MAGI2: variants seen among roughly 807,000 people sequenced by gnomAD.
MAGI2 encodes membrane associated guanylate kinase, WW and PDZ domain containing 2.
In MAGI2, 35 loss-of-function variants were observed where a neutral mutation model predicts 133.3. The observed-to-expected ratio is 0.26, with a 90% CI of 0.20 to 0.35. MAGI2 has a LOEUF of 0.35. Among genes scored for constraint, MAGI2 ranks in the 10% least tolerant of loss-of-function variants. The probability of loss-of-function intolerance (pLI) is 1.00; values close to 1 mark genes in which losing one functional copy is unlikely to be tolerated. For synonymous variants in MAGI2, 729 were observed against 710.6 expected (o/e 1.03, Z -0.41); for missense variants, 1,636 against 1,863.4 (o/e 0.88, Z 2.25).
At chr7:78,434,511 C>T (rs1471602546) in intron 6 of MAGI2, among the ~76,000 whole-genome samples, 1 of 152,084 alleles carries the variant, frequency 6.6e-6, no homozygotes, top group Non-Finnish European at 1.5e-5. Flanking sequence ...CACTTCAATT[C>T]CTCCCTCTTC....
intron 9 of MAGI2, among the ~76,000 whole-genome samples, chr7:78,324,602 ATGAG>A (rs1344017445): frequency 2.6e-5 from 4 of 152,212 alleles, no homozygotes; most frequent in Non-Finnish European, 5.9e-5. Flanking sequence ...CTCTCAGTGA[ATGAG>A]TGTTATTATT....
intron 2 of MAGI2, among the ~76,000 whole-genome samples, chr7:78,840,454 G>C (rs1480484477): frequency 6.6e-6 from 1 of 151,964 alleles, no homozygotes; most frequent in African/African-American, 2.4e-5. Flanking sequence ...AAAGTCTGTG[G>C]TGCGCCTGTG....
At chr7:78,665,081 T>C (rs908540983) in intron 2 of MAGI2, among the ~76,000 whole-genome samples, 7 of 152,102 alleles carry the variant, frequency 4.6e-5, no homozygotes, top group African/African-American at 1.7e-4. Context: ...TACATATTAG[T>C]GTAATTTAAA....
chr7:78,179,559 T>C (rs568453494), intron 13 of MAGI2, among the ~76,000 whole-genome samples: 24 of 152,322 alleles, frequency 1.6e-4, no homozygotes, highest in African/African-American at 5.1e-4. Flanking sequence ...TAAATAAAGA[T>C]GAATCAGGCG....
chr7:78,831,885 C>T (rs1035333186), intron 2 of MAGI2, among the ~76,000 whole-genome samples: 5 of 152,034 alleles, frequency 3.3e-5, no homozygotes, highest in Admixed American at 1.3e-4. Flanking sequence ...TTATAATTTT[C>T]ATGTGAAATT....
In MAGI2 at chr7:78,325,626, T is replaced by C. The variant is rs543898170; in HGVS notation, c.1408+18152A>G. 2.0e-5 allele frequency among the ~76,000 whole-genome samples: 3 copies of C among 152,306 alleles called. No homozygotes were observed. In the South Asian group the frequency reaches 6.2e-4, roughly 32 times the overall value. Reference sequence around the variant, plus strand: ...TTTTTCTTCTCATGGTTGTTAGAGCTGACATTTCCAATAGGTAGATGACCA... The same window carrying C: ...TTTTTCTTCTCATGGTTGTTAGAGCCGACATTTCCAATAGGTAGATGACCA... On this transcript the variant is annotated intron_variant, in intron 9 of 21. Coordinates refer to ENST00000354212, the MANE Select transcript of MAGI2 (RefSeq NM_012301.4).
chr7:78,291,508 G>C (rs1484688622), intron 9 of MAGI2, among the ~76,000 whole-genome samples: 1 of 152,140 alleles, frequency 6.6e-6, no homozygotes, highest in Non-Finnish European at 1.5e-5. Flanking sequence ...GAGGTACAAG[G>C]AGGAGCTGGT....
intron 6 of MAGI2, among the ~76,000 whole-genome samples, chr7:78,373,700 G>A (rs1389878603): frequency 6.6e-6 from 1 of 152,042 alleles, no homozygotes; most frequent in African/African-American, 2.4e-5. Flanking sequence ...CATCACCCAG[G>A]TACTGAGCAT....
chr7:79,119,586 G>T (rs1819708305), intron 1 of MAGI2, among the ~76,000 whole-genome samples: 1 of 152,092 alleles, frequency 6.6e-6, no homozygotes, highest in Non-Finnish European at 1.5e-5. Flanking sequence ...AACGTTTTCA[G>T]TAAATGAAAT....
In MAGI2 at chr7:79,066,257, C is replaced by A. The variant is rs531762109; in HGVS notation, c.302-59051G>T. Among the ~76,000 whole-genome samples, 18 of 151,812 alleles carry A rather than the reference C, an allele frequency of 1.2e-4. No homozygotes were observed. The South Asian group carries it at 3.7e-3, about 32-fold the overall frequency. On this transcript the variant is annotated intron_variant, in intron 1 of 21. Coordinates refer to ENST00000354212, the MANE Select transcript of MAGI2 (RefSeq NM_012301.4). ...GACTTTATAATGGTTGCCATTCTAACCAGTGTGAGATGATATCTCAGTGTG... is the reference window on the plus strand; with the variant it reads ...GACTTTATAATGGTTGCCATTCTAAACAGTGTGAGATGATATCTCAGTGTG...
intron 2 of MAGI2, among the ~76,000 whole-genome samples, chr7:78,922,299 G>C (rs765452431): frequency 6.6e-6 from 1 of 151,208 alleles, no homozygotes. Context: ...CCATTAAGTC[G>C]TCATTTAGCA....
chr7:78,822,839 G>A (rs1339738608), intron 2 of MAGI2, among the ~76,000 whole-genome samples: 1 of 152,136 alleles, frequency 6.6e-6, no homozygotes, highest in Non-Finnish European at 1.5e-5. Context: ...TAAGTTATGA[G>A]TATACAATGC....
rs181109560 is a variant in MAGI2 at position 79,184,228 on chromosome 7, T to C, written c.302-177022A>G. Among the ~76,000 whole-genome samples, 105 of 151,754 alleles carry C rather than the reference T, an allele frequency of 6.9e-4. 1 individual carries two copies. Among genetic ancestry groups the C allele is most frequent in the Admixed American group, 6.4e-3 (97 of 15,206 alleles). On this transcript the variant is annotated intron_variant, in intron 1 of 21. Coordinates refer to ENST00000354212, the MANE Select transcript of MAGI2 (RefSeq NM_012301.4). ...AATTATTCTATAATGTACACATATA[T>C]TAAAACATCACATTGTATCCCCAAA...
rs72611098 is a variant in MAGI2, at chr7:78,646,424, G to A, written c.419-19185C>T. Among the ~76,000 whole-genome samples, 154 of 152,256 alleles carry A rather than the reference G, an allele frequency of 1.0e-3. 3 individuals carry two copies. In the East Asian group the frequency reaches 0.025, roughly 25 times the overall value. On this transcript the variant is annotated intron_variant, in intron 2 of 21. Coordinates refer to ENST00000354212, the MANE Select transcript of MAGI2 (RefSeq NM_012301.4). ...TTGTATTTAGGAATATAGGAATTTTGTAAGTGCATGTATATATGTGTATAA... is the reference window on the plus strand; with the variant it reads ...TTGTATTTAGGAATATAGGAATTTTATAAGTGCATGTATATATGTGTATAA...
chr7:79,124,301 A>G (rs908715408), intron 1 of MAGI2, among the ~76,000 whole-genome samples: 1 of 152,220 alleles, frequency 6.6e-6, no homozygotes, highest in South Asian at 2.1e-4. Context: ...CCTACCAATT[A>G]TTGAACAGCT....
chr7:78,250,413 ATAGTTTT>A (rs1287543132), intron 10 of MAGI2, among the ~76,000 whole-genome samples: 1 of 152,114 alleles, frequency 6.6e-6, no homozygotes, highest in Non-Finnish European at 1.5e-5. Flanking sequence ...AGTGAAATTT[ATAGTTTT>A]AAGTGATTTC....
intron 10 of MAGI2, among the ~76,000 whole-genome samples, chr7:78,217,799 A>G (rs1788417272): frequency 1.3e-5 from 2 of 152,236 alleles, no homozygotes; most frequent in Admixed American, 1.3e-4. Flanking sequence ...AAGACCTGTA[A>G]TAATTATTTG....
intron 3 of MAGI2, among the ~76,000 whole-genome samples, chr7:78,586,170 T>C (rs1310834808): frequency 1.3e-5 from 2 of 152,238 alleles, no homozygotes; most frequent in African/African-American, 2.4e-5. Flanking sequence ...AAGTAGATCA[T>C]TGTTGCAACA....
intron 2 of MAGI2, among the ~76,000 whole-genome samples, chr7:78,857,423 T>C (rs565128264): frequency 1.3e-5 from 2 of 152,194 alleles, no homozygotes; most frequent in Non-Finnish European, 2.9e-5. Flanking sequence ...TTGAGATACT[T>C]CCCATCAATA....
Sources: allele counts gnomAD v4.1 joint callset (sites outside exome capture counted in the v4.1 genomes callset), GRCh38; gene constraint gnomAD v4.1.1; transcripts MANE v1.5; gene names NCBI Gene and HGNC (gene_info 2026-07-23, HGNC 2026-07-21).